Variants in TRIP12 observed in about 807,000 individuals in gnomAD.
TRIP12 encodes the protein thyroid hormone receptor interactor 12.
Under a neutral mutation model 244.2 loss-of-function variants are expected in TRIP12, and 25 were observed. The observed-to-expected ratio is 0.10, with a 90% CI of 0.07 to 0.14. The LOEUF (loss-of-function observed/expected upper bound fraction) is 0.14, where lower values mean the gene tolerates loss of function less well. Among genes scored for constraint, TRIP12 ranks in the 10% least tolerant of loss-of-function variants. TRIP12 has a pLI of 1.00. For missense variants in TRIP12, 1,677 were observed against 2,486.4 expected (o/e 0.67, Z 6.92); for synonymous variants, 905 against 873.1 (o/e 1.04, Z -0.64).
Position 229,834,569 on chromosome 2 carries a change from G to C in TRIP12, c.1270+2279C>G, listed in dbSNP as rs149434563. ...GAGGTCAGGAGTTGGACAGCAGCCC[G>C]GCCAACATGGTGAAACCCCTTCTGT... On this transcript the variant is annotated intron_variant, in intron 6 of 41. Transcript: ENST00000675903. Among the ~76,000 whole-genome samples the C allele has an allele frequency of 4.7e-3, 710 of 152,232 alleles. 4 individuals carry two copies. The highest frequency in any genetic ancestry group is 0.016 in the African/African-American group (682 of 41,542).
chr2:229,819,841 TG>T (rs2049551848), intron 8 of TRIP12, among the ~76,000 whole-genome samples: 1 of 152,190 alleles, frequency 6.6e-6, no homozygotes, highest in South Asian at 2.1e-4. Flanking sequence ...TGAGCTTCAG[TG>T]ATATTCCTGG....
chr2:229,881,695 G>A (rs1162206273), intron 1 of TRIP12, among the ~76,000 whole-genome samples: 1 of 152,130 alleles, frequency 6.6e-6, no homozygotes, highest in African/African-American at 2.4e-5. Context: ...CATTAAAAGA[G>A]AGGCAGGCAG....
chr2:229,907,967 G>A (rs1277207592), intron 1 of TRIP12, among the ~76,000 whole-genome samples: 2 of 149,356 alleles, frequency 1.3e-5, no homozygotes, highest in African/African-American at 2.5e-5. Flanking sequence ...GAGAACTAGT[G>A]TCAAAAAAAA....
chr2:229,864,047 A>AGAGTGAGTGT, intron 2 of TRIP12, among the ~76,000 whole-genome samples: 328 of 79,260 alleles, frequency 4.1e-3, no homozygotes, highest in Middle Eastern at 9.1e-3. Context: ...AGAGAGAGAG[A>AGAGTGAGTGT]GTGTGTGTGT....
intron 13 of TRIP12, among the ~76,000 whole-genome samples, chr2:229,813,194 T>A (rs2047687501): frequency 6.6e-6 from 1 of 152,168 alleles, no homozygotes; most frequent in South Asian, 2.1e-4. Context: ...TAACCCATAT[T>A]CTCCTGCTCC....
chr2:229,837,629 A>T (rs2055182195), intron 5 of TRIP12, among the ~76,000 whole-genome samples: 1 of 152,132 alleles, frequency 6.6e-6, no homozygotes, highest in Non-Finnish European at 1.5e-5. Context: ...AACAACAAAA[A>T]AATTATACAA....
intron 38 of TRIP12, among the ~76,000 whole-genome samples, chr2:229,773,326 G>A (rs151177367): frequency 2.6e-5 from 4 of 151,876 alleles, no homozygotes; most frequent in East Asian, 1.9e-4. Flanking sequence ...TGCCTACCAC[G>A]GCCAACCAAA....
At chr2:229,857,782 A>G (rs1365893459) in intron 4 of TRIP12, among the ~76,000 whole-genome samples, 1 of 152,246 alleles carries the variant, frequency 6.6e-6, no homozygotes, top group Non-Finnish European at 1.5e-5. Flanking sequence ...AGGAATGCAC[A>G]TAACGCTATG....
chr2:229,845,708 G>C (rs2057431678), intron 4 of TRIP12, among the ~76,000 whole-genome samples: 1 of 152,188 alleles, frequency 6.6e-6, no homozygotes, highest in East Asian at 1.9e-4. Context: ...GGCATATCAG[G>C]GGATGACTAT....
chr2:229,876,652 CTTTG>C (rs1263986799), intron 2 of TRIP12, among the ~76,000 whole-genome samples: 2 of 152,168 alleles, frequency 1.3e-5, no homozygotes, highest in Non-Finnish European at 2.9e-5. Flanking sequence ...TGTCCCACTA[CTTTG>C]TTTATTACTT....
At chr2:229,812,351 G>T (rs1018844129) in intron 13 of TRIP12, among the ~76,000 whole-genome samples, 2 of 152,202 alleles carry the variant, frequency 1.3e-5, no homozygotes, top group African/African-American at 4.8e-5. Context: ...AAAGTGCTGG[G>T]ATTACAGGTG....
In TRIP12 at chr2:229,818,472, A is replaced by C. The variant is rs765589069; in HGVS notation, c.1491T>G (p.Ser497Arg). ...CTGCCTGAAGCTGTTGACTTTCATC[A>C]CTGGCTTGCAATCCTTGTAGTAGCT... The part of the protein sequence containing the change: ...AQQLLQGLQA[S>R]DESQQLQAVI... Residue 497 changes from serine (S) to arginine (R), a missense_variant, in exon 9 of 42, where the codon AGT (serine) becomes AGG (arginine). Physicochemically the swap from Ser to Arg is moderately radical, Grantham distance 110. This residue lies in a region of TRIP12 where 143 missense variants were observed against 215.6 expected (regional missense o/e 0.66). Coordinates refer to ENST00000675903, the MANE Select transcript of TRIP12 (RefSeq NM_001348323.3). 1 of 1,614,132 alleles carries C rather than the reference A, an allele frequency of 6.2e-7. No homozygotes were observed. Among genetic ancestry groups the C allele is most frequent in the South Asian group, 1.1e-5 (1 of 91,078 alleles).
intron 1 of TRIP12, among the ~76,000 whole-genome samples, chr2:229,915,824 G>A (rs2075279482): frequency 6.6e-6 from 1 of 152,010 alleles, no homozygotes; most frequent in Admixed American, 6.6e-5. Context: ...CTCCCAGGTA[G>A]CTGAAGACTA....
chr2:229,813,798 A>G (rs1280407602), intron 13 of TRIP12, 72 bp downstream of exon 13: 1 of 1,121,766 alleles, frequency 8.9e-7, no homozygotes, highest in Non-Finnish European at 1.1e-6. Flanking sequence ...AAAATAAAAT[A>G]AAATAAAATA....
At chr2:229,828,233 A>C (rs1160515599) in intron 8 of TRIP12, among the ~76,000 whole-genome samples, 2 of 152,128 alleles carry the variant, frequency 1.3e-5, no homozygotes, top group Non-Finnish European at 2.9e-5. Context: ...TTTTGACTCT[A>C]GTGCTAGTCT....
At chr2:229,856,604 G>C (rs2059646934) in intron 4 of TRIP12, among the ~76,000 whole-genome samples, 1 of 152,242 alleles carries the variant, frequency 6.6e-6, no homozygotes, top group South Asian at 2.1e-4. Flanking sequence ...AAGTGAGGCA[G>C]ACTGGAAGGC....
chr2:229,794,215 C>T (rs187299446), intron 26 of TRIP12, among the ~76,000 whole-genome samples: 333 of 152,190 alleles, frequency 2.2e-3, no homozygotes, highest in African/African-American at 7.6e-3. Context: ...CTCAAAAATG[C>T]ATATGGTTTT....
Position 229,859,273 on chromosome 2 carries a change from G to A in TRIP12, c.526C>T (p.His176Tyr). The stretch of plus-strand genomic sequence containing the variant: ...CCAGTGGCCCCACTCTTCCTGGTAT[G>A]AGCCTTGCTTGTTGATGGTGATTGT... Reference protein sequence around the residue: ...SAQSPSTSKAHTRKSGATGGS... With the variant: ...SAQSPSTSKAYTRKSGATGGS... The change falls in exon 4 of 42, where the codon CAT becomes TAT. Residue 176 changes from histidine (H) to tyrosine (Y), a missense_variant. Transcript: ENST00000675903. 6.2e-7 allele frequency: 1 copy of A among 1,614,230 alleles called. No individual in the cohort carries two copies.
intron 11 of TRIP12, 51 bp from the exon 12 acceptor site, chr2:229,814,376 A>G (rs373022965): frequency 2.6e-6 from 4 of 1,554,538 alleles, no homozygotes; most frequent in Non-Finnish European, 3.5e-6. Flanking sequence ...GTTCTTTCCC[A>G]ATAACTTATC....
Sources: gnomAD v4.1 joint callset for allele counts (sites outside exome capture counted in the v4.1 genomes callset) on GRCh38, gnomAD v4.1.1 for gene constraint, gnomAD v4.1.1 regional missense constraint, MANE v1.5 for transcripts, NCBI Gene and HGNC (gene_info 2026-07-23, HGNC 2026-07-21) for gene names.